SGPP2: variants seen among roughly 807,000 people sequenced by gnomAD.
SGPP2 encodes the protein sphingosine 1-phosphate phosphohydrolase 2.
Under a neutral mutation model 33.9 loss-of-function variants are expected in SGPP2, and 30 were observed. That is an observed-to-expected ratio of 0.89 (90% CI 0.66 to 1.20). The LOEUF (loss-of-function observed/expected upper bound fraction) is 1.20. Among genes scored for constraint, SGPP2 ranks in the 50% most tolerant of loss-of-function variants. The probability of loss-of-function intolerance (pLI) is 0.00; values close to 1 mark genes in which losing one functional copy is unlikely to be tolerated. For synonymous variants in SGPP2, 233 were observed against 225.0 expected (o/e 1.04, Z -0.32); for missense variants, 458 against 532.1 (o/e 0.86, Z 1.37).
At chr2:222,479,559 C>G (rs773957910) in intron 2 of SGPP2, among the ~76,000 whole-genome samples, 1 of 151,710 alleles carries the variant, frequency 6.6e-6, no homozygotes, top group South Asian at 2.1e-4. Context: ...CCCACCCCCA[C>G]GCCCGGCTAA....
At chr2:222,443,116 T>C (rs1697350914) in intron 1 of SGPP2, among the ~76,000 whole-genome samples, 1 of 152,228 alleles carries the variant, frequency 6.6e-6, no homozygotes, top group African/African-American at 2.4e-5. Context: ...GTTACCAGAA[T>C]GGCCATTGTC....
intron 1 of SGPP2, among the ~76,000 whole-genome samples, chr2:222,458,895 A>G (rs1697613697): frequency 6.6e-6 from 1 of 152,166 alleles, no homozygotes; most frequent in Non-Finnish European, 1.5e-5. Flanking sequence ...TTCCCTATAC[A>G]TGTGTACATA....
At chr2:222,534,195 A>G (rs527743288) in intron 4 of SGPP2, among the ~76,000 whole-genome samples, 1 of 152,338 alleles carries the variant, frequency 6.6e-6, no homozygotes, top group South Asian at 2.1e-4. Flanking sequence ...TCATCATACT[A>G]TATTTATGAT....
At chr2:222,552,192 G>A (rs36087439) in intron 4 of SGPP2, among the ~76,000 whole-genome samples, 46,014 of 151,940 alleles carry the variant, frequency 0.3, 7,568 homozygotes, top group South Asian at 0.49. Context: ...TATCTTTTTC[G>A]TATAATGACT....
intron 1 of SGPP2, among the ~76,000 whole-genome samples, chr2:222,451,438 C>T (rs1697487044): frequency 6.6e-6 from 1 of 152,210 alleles, no homozygotes; most frequent in Admixed American, 6.5e-5. Context: ...TTTGTCTGGT[C>T]TCATAAGTGT....
At chr2:222,503,122 T>C (rs1271583433) in intron 2 of SGPP2, among the ~76,000 whole-genome samples, 3 of 152,194 alleles carry the variant, frequency 2.0e-5, no homozygotes, top group African/African-American at 7.2e-5. Flanking sequence ...AAGGAAATAC[T>C]GAAACTGTAT....
chr2:222,558,526 C>T lies in SGPP2; in HGVS notation c.828C>T (p.Asp276=), dbSNP rs1476559524. ...ATTACTACAGCCCAACCCGGGCGGA[C>T]ACCACCACCATTCTGGCTGCCGGGG... ...VSDYYSPTRA[D]TTTILAAGAG... The change falls in exon 5 of 5, where the codon GAC becomes GAT. Residue 276 remains aspartate, a synonymous_variant. Transcript: ENST00000321276. 3 of 1,614,120 alleles carry T rather than the reference C, an allele frequency of 1.9e-6. No individual in the cohort carries two copies. The highest frequency in any genetic ancestry group is 2.5e-6 in the Non-Finnish European group (3 of 1,180,056).
At chr2:222,510,071 T>C (rs1257870297) in intron 2 of SGPP2, among the ~76,000 whole-genome samples, 2 of 152,214 alleles carry the variant, frequency 1.3e-5, no homozygotes, top group African/African-American at 4.8e-5. Flanking sequence ...CCAAATAATA[T>C]TCCATTGTAA....
At chr2:222,431,870 G>A (rs571385621) in intron 1 of SGPP2, among the ~76,000 whole-genome samples, 13 of 152,352 alleles carry the variant, frequency 8.5e-5, no homozygotes, top group East Asian at 3.9e-4. Context: ...TAGTCAGGGA[G>A]CTTGGGAGCT....
chr2:222,529,762 C>A lies in SGPP2; in HGVS notation c.648+4729C>A, dbSNP rs1303970780. Among the ~76,000 whole-genome samples the A allele has an allele frequency of 2.6e-5, 4 of 152,212 alleles. No homozygotes were observed. In the South Asian group the frequency reaches 6.2e-4, roughly 24 times the overall value. ...TAATGTTGATAGCTTGACCTCCTCC[C>A]ATGAACATGAATCACAAATGTTCTT... On this transcript the variant is annotated intron_variant, in intron 4 of 4. Coordinates refer to ENST00000321276, the MANE Select transcript of SGPP2 (RefSeq NM_152386.4).
chr2:222,533,257 A>G (rs1698865123), intron 4 of SGPP2, among the ~76,000 whole-genome samples: 1 of 152,290 alleles, frequency 6.6e-6, no homozygotes, highest in South Asian at 2.1e-4. Flanking sequence ...GAGGAGTGTC[A>G]TCACCTTCCC....
chr2:222,539,554 A>G (rs1182351193), intron 4 of SGPP2, among the ~76,000 whole-genome samples: 1 of 152,204 alleles, frequency 6.6e-6, no homozygotes, highest in Admixed American at 6.5e-5. Flanking sequence ...ATGGCCAGAC[A>G]CTAGGCTGAA....
In SGPP2 at chr2:222,447,547, G is replaced by A. The variant is rs560962285; in HGVS notation, c.219+22726G>A. Among the ~76,000 whole-genome samples the A allele has an allele frequency of 7.2e-5, 11 of 152,320 alleles. No individual in the cohort carries two copies. The East Asian group carries it at 2.1e-3, about 29-fold the overall frequency. Reference sequence around the variant, plus strand: ...TGGGCCGAGGATCCATAATAAAAGAGAAAATTAGAGTGATTGTTGCAGAAC... The same window carrying A: ...TGGGCCGAGGATCCATAATAAAAGAAAAAATTAGAGTGATTGTTGCAGAAC... On this transcript the variant is annotated intron_variant, in intron 1 of 4. Transcript: ENST00000321276.
At chr2:222,545,482 A>T (rs112428972) in intron 4 of SGPP2, among the ~76,000 whole-genome samples, 4,278 of 152,180 alleles carry the variant, frequency 0.028, 159 homozygotes, top group African/African-American at 0.083. Context: ...GGGTTTCACC[A>T]TGTTGGCCAG....
chr2:222,510,094 G>A (rs994075134), intron 2 of SGPP2, among the ~76,000 whole-genome samples: 2 of 152,172 alleles, frequency 1.3e-5, no homozygotes, highest in Non-Finnish European at 2.9e-5. Context: ...ATATAGCACA[G>A]TTTGTTTATC....
At position 222,477,058 on chromosome 2, in the gene SGPP2, T is replaced by C. The variant is rs960660924; in HGVS notation, c.378+2332T>C. ...ATGTGTATGTGTGTATAGGTGTGTA[T>C]ATATGTGTGTTTATAGATATGTATA... On this transcript the variant is annotated intron_variant, in intron 2 of 4. Coordinates refer to ENST00000321276, the MANE Select transcript of SGPP2 (RefSeq NM_152386.4). The surrounding 1 kb of genome is among the most constrained non-coding windows in gnomAD (Gnocchi z 6.0). Among the ~76,000 whole-genome samples the C allele has an allele frequency of 6.6e-6, 1 of 151,770 alleles. No individual in the cohort carries two copies. The highest frequency in any genetic ancestry group is 2.4e-5 in the African/African-American group (1 of 41,212).
chr2:222,514,042 A>G (rs1449458042), intron 2 of SGPP2, among the ~76,000 whole-genome samples: 1 of 152,228 alleles, frequency 6.6e-6, no homozygotes, highest in Non-Finnish European at 1.5e-5. Context: ...ATATTGTAAT[A>G]TTCCTTTTAC....
In SGPP2 at chr2:222,450,293, G is replaced by A. The variant is rs1697463979; in HGVS notation, c.220-24275G>A. Among the ~76,000 whole-genome samples the A allele has an allele frequency of 2.6e-5, 4 of 152,196 alleles. No homozygotes were observed. In the South Asian group the frequency reaches 8.3e-4, roughly 32 times the overall value. Reference sequence around the variant, plus strand: ...TCTCATTTGCACCAAGCAGCTTAAAGAGTCTGCCCTTCCTGGGACTAATGG... The same window carrying A: ...TCTCATTTGCACCAAGCAGCTTAAAAAGTCTGCCCTTCCTGGGACTAATGG... On this transcript the variant is annotated intron_variant, in intron 1 of 4. Transcript: ENST00000321276.
intron 1 of SGPP2, among the ~76,000 whole-genome samples, chr2:222,443,451 C>T (rs925181652): frequency 6.6e-6 from 1 of 152,104 alleles, no homozygotes; most frequent in Non-Finnish European, 1.5e-5. Context: ...ATGTTTAGCT[C>T]CCACATATAA....
Sources: allele counts gnomAD v4.1 joint callset (sites outside exome capture counted in the v4.1 genomes callset), GRCh38; gene constraint gnomAD v4.1.1; non-coding constraint Gnocchi (gnomAD v3.1); transcripts MANE v1.5; gene names NCBI Gene and HGNC (gene_info 2026-07-23, HGNC 2026-07-21).